The following ZNF202 variants were observed in gnomAD, a reference collection of about 807,000 sequenced individuals.
ZNF202 encodes the protein zinc finger protein with KRAB and SCAN domains 10.
In ZNF202, 22 loss-of-function variants were observed where a neutral mutation model predicts 54.5. That is an observed-to-expected ratio of 0.40 (90% CI 0.29 to 0.58). The LOEUF (loss-of-function observed/expected upper bound fraction) is 0.58, where lower values mean the gene tolerates loss of function less well. ZNF202 is among the 20% of genes least tolerant of loss of function. ZNF202 has a pLI of 0.39. For missense variants in ZNF202, 644 were observed against 805.5 expected, an observed-to-expected ratio of 0.80 and a Z score of 2.43; for synonymous variants, 294 against 301.4, an observed-to-expected ratio of 0.98 and a Z score of 0.26.
chr11:123,741,200 G>A (rs960932687), intron 1 of ZNF202, among the ~76,000 whole-genome samples: 2 of 152,146 alleles, frequency 1.3e-5, no homozygotes, highest in African/African-American at 4.8e-5. Context: ...TCGGTTCCGG[G>A]GGGACAGTTG....
chr11:123,738,365 T>C (rs1861716917), intron 3 of ZNF202, among the ~76,000 whole-genome samples: 2 of 152,220 alleles, frequency 1.3e-5, no homozygotes, highest in South Asian at 4.1e-4. Context: ...CATGGTCATG[T>C]TGGTTAACCT....
chr11:123,737,916 C>T (rs534871473), intron 3 of ZNF202, among the ~76,000 whole-genome samples: 4 of 152,200 alleles, frequency 2.6e-5, no homozygotes, highest in Admixed American at 2.0e-4. Context: ...TTGAGAGGAA[C>T]AAGGATATAC....
In ZNF202 at chr11:123,726,493, T is replaced by C. The variant is rs1861144714; in HGVS notation, c.1451A>G (p.Asp484Gly). The C allele has an allele frequency of 5.0e-6, 8 of 1,614,218 alleles. No individual in the cohort carries two copies. Among genetic ancestry groups the C allele is most frequent in the Non-Finnish European group, 5.9e-6 (7 of 1,180,034 alleles). Residue 484 changes from aspartate (D) to glycine (G), a missense_variant, in exon 9 of 9, where the codon GAT (aspartate) becomes GGT (glycine). Physicochemically the swap from Asp to Gly is moderately conservative, Grantham distance 94. Around this residue, in one of 3 missense-constraint regions of ZNF202, gnomAD observed 536 missense variants for 635.3 expected, o/e 0.84. Coordinates refer to ENST00000530393, the MANE Select transcript of ZNF202 (RefSeq NM_003455.4). The surrounding 1 kb of genome is among the most constrained non-coding windows in gnomAD (Gnocchi z 6.0). ...TPSVEKPYRC[D>G]DCGKHFRWTS... ...CCAGCGGAAGTGCTTTCCGCAATCA[T>C]CACATCTATAGGGTTTCTCCACTGA...
In ZNF202 at chr11:123,729,975, AAGG is replaced by A. The variant is rs796156151; in HGVS notation, c.403-153_403-151del. 4.2e-5 allele frequency: 34 copies of A among 806,732 alleles called. No individual in the cohort carries two copies. In the African/African-American group the frequency reaches 4.5e-4, roughly 11 times the overall value. The allele number at this position is 806,732 out of a possible 1,614,324, so 50.0% of individuals were successfully genotyped here. A position where few individuals can be genotyped will look rare whatever the true frequency, so the allele number is the denominator to read the frequency against. ...AAACTCCAGTTTCAATGGAGCAGGC[AAGG>A]AGGAGCTGAAGGTTATCCTCCCCAG... On this transcript the variant is annotated intron_variant, in intron 4 of 8. Transcript: ENST00000530393.
rs142924443 is a variant in ZNF202 at position 123,726,375 on chromosome 11, C to T, written c.1569G>A (p.Val523=). ...ICGKSFSQKS[V]LTTHQRIHLG... is the part of the protein sequence containing the mutation. ...GGTGGATTCTTTGGTGTGTTGTTAACACAGATTTCTGGCTGAAGCTTTTGC... is the reference window on the plus strand; with the variant it reads ...GGTGGATTCTTTGGTGTGTTGTTAATACAGATTTCTGGCTGAAGCTTTTGC... Residue 523 remains valine, a synonymous_variant, in exon 9 of 9, where the codon GTG becomes GTA. Transcript: ENST00000530393. The surrounding 1 kb of genome is among the most constrained non-coding windows in gnomAD (Gnocchi z 6.0). 5.4e-4 allele frequency: 868 copies of T among 1,614,218 alleles called. 1 individual carries two copies. In the African/African-American group the frequency reaches 8.6e-3, roughly 16 times the overall value.
At chr11:123,727,404 C>G (rs1412102971) in intron 8 of ZNF202, 72 bp downstream of exon 8, 1 of 1,596,988 alleles carries the variant, frequency 6.3e-7, no homozygotes. Flanking sequence ...CGGGGCCCTA[C>G]AGAGAGAGAG....
At chr11:123,727,693 A>G (rs1861216663) in intron 7 of ZNF202, 98 bp from the exon 8 acceptor site, 3 of 1,477,864 alleles carry the variant, frequency 2.0e-6, no homozygotes, top group South Asian at 1.2e-5. Flanking sequence ...GGGCAAATAC[A>G]TAGCTAGCTC....
chr11:123,735,634 G>T (rs1241950682), intron 3 of ZNF202, among the ~76,000 whole-genome samples: 2 of 152,154 alleles, frequency 1.3e-5, no homozygotes, highest in African/African-American at 4.8e-5. Flanking sequence ...AGAAACTGGA[G>T]CTTCCCTGAG....
At chr11:123,729,911 T>G in intron 4 of ZNF202, 86 bp from the exon 5 acceptor site, 1 of 1,365,492 alleles carries the variant, frequency 7.3e-7, no homozygotes. Flanking sequence ...AGAAGATGCC[T>G]AGAGAAAACA....
intron 6 of ZNF202, 146 bp downstream of exon 6, chr11:123,728,980 C>A: frequency 1.4e-6 from 1 of 712,878 alleles, no homozygotes; most frequent in Non-Finnish European, 2.3e-6. Flanking sequence ...ATCTCATTAT[C>A]TCCTCCCCTT....
intron 7 of ZNF202, 99 bp downstream of exon 7, chr11:123,728,034 G>C: frequency 7.2e-7 from 1 of 1,389,922 alleles, no homozygotes; most frequent in Non-Finnish European, 9.8e-7. Flanking sequence ...CATAAGAGAA[G>C]TTCACTGCAT....
chr11:123,739,752 A>G (rs2137381751), intron 3 of ZNF202, among the ~76,000 whole-genome samples: 1 of 152,340 alleles, frequency 6.6e-6, no homozygotes, highest in East Asian at 1.9e-4. Context: ...ACCTACTGCA[A>G]TACATATATC....
At chr11:123,728,291 C>A (rs749830371) in intron 6 of ZNF202, 29 bp from the exon 7 acceptor site, 2 of 1,588,840 alleles carry the variant, frequency 1.3e-6, no homozygotes, top group Non-Finnish European at 1.7e-6. Flanking sequence ...TTCATCAAAA[C>A]GTGATGCTAC....
chr11:123,728,453 CA>C, intron 6 of ZNF202, among the ~76,000 whole-genome samples, 191 bp from the exon 7 acceptor site: 1 of 152,282 alleles, frequency 6.6e-6, no homozygotes, highest in Middle Eastern at 3.4e-3. Context: ...CCAACTCCAC[CA>C]CTTTTCCTGA....
chr11:123,726,076 C>T lies in ZNF202; in HGVS notation c.1868G>A (p.Cys623Tyr). 1 of 1,614,170 alleles carries T rather than the reference C, an allele frequency of 6.2e-7. No homozygotes were observed. Among genetic ancestry groups the T allele is most frequent in the East Asian group, 2.2e-5 (1 of 44,874 alleles). Residue 623 changes from cysteine (C) to tyrosine (Y), a missense_variant, in exon 9 of 9, where the codon TGC becomes TAC. Cys to Tyr is a radical substitution (Grantham distance 194, BLOSUM62 -2). Coordinates refer to ENST00000530393, the MANE Select transcript of ZNF202 (RefSeq NM_003455.4). This position sits in a 1 kb window ranked among gnomAD's most constrained non-coding sequence, Gnocchi z 6.0. Reference sequence around the variant, plus strand: ...GCTGAAGCTTTTTCCACAGGTAGGGCACGTGAATGGTTTCTCCCCAGTGTG... The same window carrying T: ...GCTGAAGCTTTTTCCACAGGTAGGGTACGTGAATGGTTTCTCCCCAGTGTG... ...RTHTGEKPFT[C>Y]PTCGKSFSRG...
intron 3 of ZNF202, among the ~76,000 whole-genome samples, chr11:123,739,813 G>C (rs557400705): frequency 6.6e-6 from 1 of 152,208 alleles, no homozygotes; most frequent in African/African-American, 2.4e-5. Context: ...CAGATCTGCA[G>C]CATCAGTACC....
Position 123,730,601 on chromosome 11 carries a change from G to T in ZNF202, c.288C>A (p.Thr96=). The change falls in exon 4 of 9, where the codon ACC becomes ACA. Residue 96 remains threonine (T), a synonymous_variant. Transcript: ENST00000530393. This position sits in a 1 kb window ranked among gnomAD's most constrained non-coding sequence, Gnocchi z 6.0. Reference sequence around the variant, plus strand: ...AGCTCTGTAGTTCTCCAGGTAGGACGGTAAGAAATTGTTCCAGCACAAGCA... The same window carrying T: ...AGCTCTGTAGTTCTCCAGGTAGGACTGTAAGAAATTGTTCCAGCACAAGCA... ...LELLVLEQFL[T]VLPGELQSWV... 1 of 1,612,042 alleles carries T rather than the reference G, an allele frequency of 6.2e-7. No individual in the cohort carries two copies. Among genetic ancestry groups the T allele is most frequent in the South Asian group, 1.1e-5 (1 of 90,770 alleles).
rs1257016326 is a variant in ZNF202, at chr11:123,729,712, C to T, written c.516G>A (p.Glu172=). ...TCTGTGTGGTTTCCTCAGGAGACTG[C>T]TCGGGGGTCGAGCTTTGCACAGGAT... ...LQDPVQSSTP[E]QSPEETTQSP... is the part of the protein sequence containing the mutation. Residue 172 remains glutamate, a synonymous_variant, in exon 5 of 9, where the codon GAG becomes GAA. Coordinates refer to ENST00000530393, the MANE Select transcript of ZNF202 (RefSeq NM_003455.4). The T allele has an allele frequency of 6.2e-7, 1 of 1,613,756 alleles. No individual in the cohort carries two copies. Among genetic ancestry groups the T allele is most frequent in the East Asian group, 2.2e-5 (1 of 44,882 alleles).
intron 3 of ZNF202, among the ~76,000 whole-genome samples, chr11:123,736,017 T>C (rs1305257737): frequency 6.6e-6 from 1 of 152,264 alleles, no homozygotes; most frequent in East Asian, 1.9e-4. Flanking sequence ...TAAAACAGTA[T>C]CTGCAAAGAT....
Sources: gnomAD v4.1 joint callset for allele counts (sites outside exome capture counted in the v4.1 genomes callset) on GRCh38, gnomAD v4.1.1 for gene constraint, gnomAD v4.1.1 regional missense constraint, Gnocchi (gnomAD v3.1) non-coding constraint, MANE v1.5 for transcripts, NCBI Gene and HGNC (gene_info 2026-07-23, HGNC 2026-07-21) for gene names.